The following RNF34 variants were observed in gnomAD, a reference collection of about 807,000 sequenced individuals.
RNF34 encodes the protein ring finger protein 34.
RNF34 carries 12 observed loss-of-function variants against 37.9 expected under a neutral mutation model. That is an observed-to-expected ratio of 0.32 (90% CI 0.20 to 0.51). The LOEUF is 0.51. RNF34 is among the 20% of genes least tolerant of loss of function. RNF34 has a pLI of 0.97. For missense variants in RNF34, 362 were observed against 472.7 expected (o/e 0.77, Z 2.17); for synonymous variants, 155 against 177.2 (o/e 0.87, Z 1.00).
At chr12:121,400,312 C>A in intron 1 of RNF34, 94 bp downstream of exon 1, 3 of 1,438,774 alleles carry the variant, frequency 2.1e-6, no homozygotes, top group Non-Finnish European at 2.8e-6. Flanking sequence ...TTAGCGGTTA[C>A]CTAGTCGTCA....
chr12:121,418,660 A>C (rs1871802761), intron 3 of RNF34: 1 of 152,190 alleles, frequency 6.6e-6, no homozygotes, highest in Non-Finnish European at 1.5e-5. Context: ...ACGAGGCTGC[A>C]GGTGTACCAT....
At chr12:121,418,427 A>G (rs1871780075) in intron 3 of RNF34, 1 of 154,188 alleles carries the variant, frequency 6.5e-6, no homozygotes, top group Admixed American at 6.4e-5. Context: ...AGGTCCTTGG[A>G]CATCCTGATT....
intron 1 of RNF34, 139 bp downstream of exon 1, chr12:121,400,357 C>A: frequency 1.9e-6 from 2 of 1,072,334 alleles, no homozygotes; most frequent in South Asian, 1.6e-5. Context: ...GTCGCTTGCC[C>A]GGCTTCAGGT....
intron 1 of RNF34, among the ~76,000 whole-genome samples, chr12:121,413,421 T>G (rs891502613): frequency 1.4e-4 from 21 of 149,932 alleles, no homozygotes; most frequent in Admixed American, 7.3e-4. Context: ...TGTCCTTTTT[T>G]TTTTTTTTGA....
At chr12:121,400,404 C>G (rs537504031) in intron 1 of RNF34, among the ~76,000 whole-genome samples, 186 bp downstream of exon 1, 20 of 152,346 alleles carry the variant, frequency 1.3e-4, no homozygotes, top group South Asian at 1.0e-3. Flanking sequence ...CGGACCCTCT[C>G]GAGCTCCTCC....
intron 1 of RNF34, among the ~76,000 whole-genome samples, chr12:121,411,480 T>G (rs1369520998): frequency 6.6e-6 from 1 of 152,216 alleles, no homozygotes; most frequent in Non-Finnish European, 1.5e-5. Context: ...TCATACTCAT[T>G]AACATGGTTT....
Position 121,400,178 on chromosome 12 carries a change from C to G in RNF34, c.-35C>G. 1 of 1,606,198 alleles carries G rather than the reference C, an allele frequency of 6.2e-7. No homozygotes were observed. The highest frequency in any genetic ancestry group is 8.5e-7 in the Non-Finnish European group (1 of 1,178,218). On this transcript the variant is annotated 5_prime_UTR_variant, in exon 1 of 6. Coordinates refer to ENST00000361234, the MANE Select transcript of RNF34 (RefSeq NM_025126.4). Reference sequence around the variant, plus strand: ...AGGAGCTGCTATGGTGCTGAGTTTCCTGGTAGAGCCGGCCGAGCTGAGGCG... The same window carrying G: ...AGGAGCTGCTATGGTGCTGAGTTTCGTGGTAGAGCCGGCCGAGCTGAGGCG...
intron 5 of RNF34, among the ~76,000 whole-genome samples, chr12:121,421,698 AT>A (rs1451153360): frequency 1.2e-4 from 18 of 152,160 alleles, no homozygotes; most frequent in African/African-American, 3.6e-4. Context: ...TGTAAAAAAA[AT>A]ATATATGTAC....
At chr12:121,419,043 G>A (rs1409184903) in intron 3 of RNF34, among the ~76,000 whole-genome samples, 1 of 152,150 alleles carries the variant, frequency 6.6e-6, no homozygotes, top group Non-Finnish European at 1.5e-5. Flanking sequence ...AATGCAGAGG[G>A]AAATTTGGTC....
chr12:121,402,787 A>C, intron 1 of RNF34: 1 of 1,608,978 alleles, frequency 6.2e-7, no homozygotes, highest in Non-Finnish European at 8.5e-7. Context: ...AAAAGAAAAC[A>C]AAAACCCAAG....
At chr12:121,419,964 C>G (rs2137137385) in intron 3 of RNF34, 1 of 312,146 alleles carries the variant, frequency 3.2e-6, no homozygotes, top group South Asian at 3.7e-5. Flanking sequence ...CTTTGGCATT[C>G]CATTATGGGA....
chr12:121,410,590 T>A (rs2136955976), intron 1 of RNF34, among the ~76,000 whole-genome samples: 1 of 150,898 alleles, frequency 6.6e-6, no homozygotes, highest in East Asian at 2.0e-4. Flanking sequence ...ATACTTCAAA[T>A]ATACTAGTGA....
intron 1 of RNF34, among the ~76,000 whole-genome samples, chr12:121,408,931 A>G (rs868926524): frequency 6.6e-6 from 1 of 152,194 alleles, no homozygotes; most frequent in Admixed American, 6.5e-5. Flanking sequence ...TAAAAAGGAA[A>G]GGGATTCATT....
intron 1 of RNF34, among the ~76,000 whole-genome samples, chr12:121,405,779 C>T (rs1555280597): frequency 2.0e-5 from 3 of 149,986 alleles, no homozygotes; most frequent in Non-Finnish European, 4.4e-5. Flanking sequence ...CCACCGTGTC[C>T]GGCCTCTGTC....
chr12:121,417,019 G>C lies in RNF34; in HGVS notation c.226-485G>C, dbSNP rs974433462. 5.3e-4 allele frequency among the ~76,000 whole-genome samples: 80 copies of C among 152,230 alleles called. No homozygotes were observed. Among genetic ancestry groups the C allele is most frequent in the African/African-American group, 1.9e-3 (77 of 41,458 alleles). On this transcript the variant is annotated intron_variant, in intron 2 of 5. Coordinates refer to ENST00000361234, the MANE Select transcript of RNF34 (RefSeq NM_025126.4). The surrounding 1 kb of genome is among the most constrained non-coding windows in gnomAD (Gnocchi z 5.0). ...GCAAGGCTTTGATTGTGATTAGGCT[G>C]TGTAGTTTACAGATTACTGTATTAG...
chr12:121,406,348 C>T lies in RNF34; in HGVS notation c.6+6130C>T, dbSNP rs560567381. On this transcript the variant is annotated intron_variant, in intron 1 of 5. Coordinates refer to ENST00000361234, the MANE Select transcript of RNF34 (RefSeq NM_025126.4). ...TGTCGCCCAGGCTGGAGTGCAGTGG[C>T]GTGATCTCAGCTCACTGCAGCCTCC... 3.7e-3 allele frequency among the ~76,000 whole-genome samples: 544 copies of T among 148,874 alleles called. 2 individuals are homozygous for T. Among genetic ancestry groups the T allele is most frequent in the African/African-American group, 0.013 (523 of 39,348 alleles).
chr12:121,422,325 T>C (rs1872239880), intron 5 of RNF34, among the ~76,000 whole-genome samples: 1 of 152,314 alleles, frequency 6.6e-6, no homozygotes, highest in African/African-American at 2.4e-5. Flanking sequence ...CTACCAAGAT[T>C]GTTCCCATAT....
chr12:121,417,446 ACT>A lies in RNF34; in HGVS notation c.226-56_226-55del. 6.9e-7 allele frequency: 1 copy of A among 1,455,190 alleles called. No individual in the cohort carries two copies. 90.1% of individuals were successfully genotyped at this position (1,455,190 alleles called of 1,614,324 possible). Reference sequence around the variant, plus strand: ...AATTTTAGTAGAAGGCAGAAAGAAAACTCATGCTTTCATAATGGTTTATATCT... The same window carrying A: ...AATTTTAGTAGAAGGCAGAAAGAAAACATGCTTTCATAATGGTTTATATCT... On this transcript the variant is annotated intron_variant, in intron 2 of 5. Coordinates refer to ENST00000361234, the MANE Select transcript of RNF34 (RefSeq NM_025126.4). The surrounding 1 kb of genome is among the most constrained non-coding windows in gnomAD (Gnocchi z 5.0).
intron 1 of RNF34, among the ~76,000 whole-genome samples, chr12:121,413,284 C>T (rs1354728489): frequency 4.6e-5 from 7 of 152,184 alleles, no homozygotes; most frequent in Admixed American, 3.9e-4. Context: ...TCCTTGGCCT[C>T]CCAAAGTGCT....
Sources: gnomAD v4.1 joint callset for allele counts (sites outside exome capture counted in the v4.1 genomes callset) on GRCh38, gnomAD v4.1.1 for gene constraint, Gnocchi (gnomAD v3.1) non-coding constraint, MANE v1.5 for transcripts, NCBI Gene and HGNC (gene_info 2026-07-23, HGNC 2026-07-21) for gene names.